CFAP95: variants seen among roughly 807,000 people sequenced by gnomAD.
CFAP95 encodes cilia and flagella associated protein 95.
chr9:69,851,794 T>C, the CFAP95 span, among the ~76,000 whole-genome samples: 1 of 151,098 alleles, frequency 6.6e-6, no homozygotes, highest in Non-Finnish European at 1.5e-5. Flanking sequence ...CTTGAGCCCA[T>C]GAGTTTGAGG....
chr9:69,903,935 G>C, the CFAP95 span, among the ~76,000 whole-genome samples: 1 of 152,048 alleles, frequency 6.6e-6, no homozygotes, highest in African/African-American at 2.4e-5. Flanking sequence ...TGTTGCCCAG[G>C]CTGGTCTCAA....
the CFAP95 span, among the ~76,000 whole-genome samples, chr9:69,852,920 G>A: frequency 4.6e-4 from 70 of 152,272 alleles, no homozygotes; most frequent in African/African-American, 1.7e-3. Flanking sequence ...TGTAAGATGT[G>A]ACTTGCTCCT....
the CFAP95 span, chr9:69,856,620 G>A: frequency 1.9e-6 from 3 of 1,612,838 alleles, no homozygotes; most frequent in Non-Finnish European, 2.5e-6. Context: ...GGGTTGAAAT[G>A]AAGAGCAAGG....
At chr9:69,865,112 C>T in the CFAP95 span, among the ~76,000 whole-genome samples, 1 of 152,140 alleles carries the variant, frequency 6.6e-6, no homozygotes, top group Admixed American at 6.6e-5. Flanking sequence ...AGTGACTTCT[C>T]ACCAGATCTG....
chr9:69,852,469 GGA>G, the CFAP95 span, among the ~76,000 whole-genome samples: 88 of 152,136 alleles, frequency 5.8e-4, no homozygotes, highest in African/African-American at 1.8e-3. Context: ...GGAGTTGTCT[GGA>G]GAGAGTGTGC....
the CFAP95 span, among the ~76,000 whole-genome samples, chr9:69,852,662 C>T: frequency 1.3e-5 from 2 of 152,116 alleles, no homozygotes; most frequent in African/African-American, 2.4e-5. Flanking sequence ...CCTGTGGCAT[C>T]AGAGGGAAAA....
chr9:69,832,528 G>A, the CFAP95 span, among the ~76,000 whole-genome samples: 3 of 147,132 alleles, frequency 2.0e-5, no homozygotes, highest in Admixed American at 1.4e-4. Flanking sequence ...GCACAAATAT[G>A]AATTTTTTTT....
chr9:69,897,050 G>T, the CFAP95 span, among the ~76,000 whole-genome samples: 8 of 152,278 alleles, frequency 5.3e-5, no homozygotes, highest in East Asian at 1.5e-3. Context: ...CCACCATTCT[G>T]CATGTGTGCT....
chr9:69,866,193 A>G, the CFAP95 span, among the ~76,000 whole-genome samples: 2 of 152,220 alleles, frequency 1.3e-5, no homozygotes, highest in African/African-American at 2.4e-5. Flanking sequence ...GCCAGGCCTT[A>G]AGCATTGGAT....
the CFAP95 span, among the ~76,000 whole-genome samples, chr9:69,841,181 TA>T: frequency 1.6e-5 from 2 of 128,174 alleles, no homozygotes; most frequent in Admixed American, 1.6e-4. Context: ...TATATATATA[TA>T]TATATATATA....
chr9:69,831,655 A>T, the CFAP95 span, among the ~76,000 whole-genome samples: 1 of 152,212 alleles, frequency 6.6e-6, no homozygotes, highest in African/African-American at 2.4e-5. Flanking sequence ...GGGAGCATCC[A>T]AGAGGAGCCT....
chr9:69,829,292 A>G, the CFAP95 span, among the ~76,000 whole-genome samples: 3 of 152,018 alleles, frequency 2.0e-5, no homozygotes, highest in Non-Finnish European at 4.4e-5. Context: ...CCCTGACTAC[A>G]TTTTTCTTCC....
At chr9:69,856,649 C>G in the CFAP95 span, 7 of 1,610,760 alleles carry the variant, frequency 4.3e-6, no homozygotes, top group Non-Finnish European at 5.9e-6. Flanking sequence ...AATGAGGAAA[C>G]AGTGAGCTCC....
chr9:69,849,625 T>C, the CFAP95 span, among the ~76,000 whole-genome samples: 5 of 152,130 alleles, frequency 3.3e-5, no homozygotes, highest in African/African-American at 1.2e-4. Flanking sequence ...TGAACTGAAA[T>C]GGGTTGGAAG....
At chr9:69,901,166 C>T in the CFAP95 span, among the ~76,000 whole-genome samples, 2 of 148,956 alleles carry the variant, frequency 1.3e-5, no homozygotes, top group African/African-American at 2.5e-5. Context: ...GAGATGGAGT[C>T]TTGCTCTGTC....
At chr9:69,835,198 G>A in the CFAP95 span, among the ~76,000 whole-genome samples, 63 of 152,306 alleles carry the variant, frequency 4.1e-4, no homozygotes, top group African/African-American at 1.5e-3. Flanking sequence ...TAACGGCATG[G>A]TTGTGAACTA....
At chr9:69,888,714 A>T in the CFAP95 span, among the ~76,000 whole-genome samples, 1 of 151,918 alleles carries the variant, frequency 6.6e-6, no homozygotes, top group African/African-American at 2.4e-5. Flanking sequence ...TGTCTCTACT[A>T]AAAAAATACA....
At chr9:69,854,277 C>T in the CFAP95 span, among the ~76,000 whole-genome samples, 6 of 152,188 alleles carry the variant, frequency 3.9e-5, no homozygotes, top group Non-Finnish European at 7.3e-5. Context: ...AGAGTTGTCA[C>T]AAGCATTTAA....
the CFAP95 span, among the ~76,000 whole-genome samples, chr9:69,895,850 C>T: frequency 5.9e-5 from 9 of 152,036 alleles, no homozygotes; most frequent in African/African-American, 2.2e-4. Context: ...GACTGGAGTG[C>T]AGTGGAATGA....
Sources: allele counts gnomAD v4.1 joint callset (sites outside exome capture counted in the v4.1 genomes callset), GRCh38; gene constraint gnomAD v4.1.1; transcripts MANE v1.5; gene names NCBI Gene and HGNC (gene_info 2026-07-23, HGNC 2026-07-21).